DDX10: variants seen among roughly 807,000 people sequenced by gnomAD.
DDX10 encodes probable ATP-dependent RNA helicase DDX10.
In DDX10, 74 loss-of-function variants were observed where a neutral mutation model predicts 104.3. The ratio of observed to expected loss-of-function variants is 0.71; its 90% CI spans 0.59 to 0.86. The LOEUF is 0.86. Ranked by LOEUF, DDX10 falls within the 40% of genes least tolerant of loss-of-function variation. The probability of loss-of-function intolerance (pLI) is 0.00; values close to 1 mark genes in which losing one functional copy is unlikely to be tolerated. For synonymous variants in DDX10, 351 were observed against 353.4 expected (o/e 0.99, Z 0.08); for missense variants, 952 against 1,040.0 (o/e 0.92, Z 1.16).
chr11:108,802,198 A>C (rs1207366751), intron 13 of DDX10, among the ~76,000 whole-genome samples: 1 of 151,810 alleles, frequency 6.6e-6, no homozygotes, highest in Admixed American at 6.6e-5. Context: ...ATTTTTTTTT[A>C]TTTTGGAATA....
At chr11:108,938,031 T>A (rs1864058496) in intron 17 of DDX10, among the ~76,000 whole-genome samples, 1 of 152,196 alleles carries the variant, frequency 6.6e-6, no homozygotes, top group South Asian at 2.1e-4. Flanking sequence ...CCCCTCATTG[T>A]CAGTCATCTC....
chr11:108,689,487 C>A (rs1565247838), intron 7 of DDX10, among the ~76,000 whole-genome samples: 1 of 152,142 alleles, frequency 6.6e-6, no homozygotes. Flanking sequence ...TGGGGAAATA[C>A]TTACTTTGAG....
chr11:108,854,779 T>G (rs1176846835), intron 16 of DDX10, among the ~76,000 whole-genome samples: 1 of 152,152 alleles, frequency 6.6e-6, no homozygotes, highest in Non-Finnish European at 1.5e-5. Flanking sequence ...CATGGAATTA[T>G]CTTTATTTCC....
intron 17 of DDX10, among the ~76,000 whole-genome samples, chr11:108,934,472 G>A (rs1399756404): frequency 6.6e-6 from 1 of 152,154 alleles, no homozygotes; most frequent in East Asian, 1.9e-4. Flanking sequence ...GTGGAAGATT[G>A]TGGAAACACT....
chr11:108,850,266 A>G (rs2134603968), intron 15 of DDX10, among the ~76,000 whole-genome samples: 1 of 152,296 alleles, frequency 6.6e-6, no homozygotes, highest in Non-Finnish European at 1.5e-5. Context: ...TAGCCAATTT[A>G]AAGCTGAAAT....
chr11:108,857,377 CA>C (rs1227783766), intron 16 of DDX10, among the ~76,000 whole-genome samples: 1 of 152,146 alleles, frequency 6.6e-6, no homozygotes, highest in Non-Finnish European at 1.5e-5. Context: ...CTGTTCTCAG[CA>C]TGTGTAAAAG....
At chr11:108,753,402 A>G (rs1272657122) in intron 13 of DDX10, among the ~76,000 whole-genome samples, 1 of 152,076 alleles carries the variant, frequency 6.6e-6, no homozygotes, top group Non-Finnish European at 1.5e-5. Context: ...ATCCATTCCA[A>G]TGTAGATAAA....
intron 13 of DDX10, among the ~76,000 whole-genome samples, chr11:108,796,175 C>G (rs1410764899): frequency 6.6e-6 from 1 of 152,182 alleles, no homozygotes; most frequent in Non-Finnish European, 1.5e-5. Flanking sequence ...TTCTCTCTCT[C>G]TCACACTTGT....
intron 1 of DDX10, among the ~76,000 whole-genome samples, chr11:108,668,532 T>C (rs2094212900): frequency 6.6e-6 from 1 of 152,240 alleles, no homozygotes; most frequent in African/African-American, 2.4e-5. Flanking sequence ...TATCATTCTC[T>C]AGGTAAACAA....
intron 16 of DDX10, among the ~76,000 whole-genome samples, chr11:108,904,619 G>A (rs1331156355): frequency 1.3e-5 from 2 of 152,128 alleles, no homozygotes; most frequent in Non-Finnish European, 2.9e-5. Flanking sequence ...ATGATAAATT[G>A]ATGGAACAAA....
intron 13 of DDX10, among the ~76,000 whole-genome samples, chr11:108,814,901 G>C (rs930921039): frequency 6.6e-6 from 1 of 152,180 alleles, no homozygotes; most frequent in Non-Finnish European, 1.5e-5. Context: ...TAATGATATA[G>C]TCTCTGGGAG....
intron 2 of DDX10, among the ~76,000 whole-genome samples, chr11:108,674,453 T>C (rs1226114031): frequency 6.6e-6 from 1 of 152,178 alleles, no homozygotes; most frequent in Non-Finnish European, 1.5e-5. Context: ...TATTTTTTCT[T>C]TTTTCAGTAT....
At chr11:108,671,453 C>T (rs1046455724) in intron 1 of DDX10, among the ~76,000 whole-genome samples, 5 of 152,202 alleles carry the variant, frequency 3.3e-5, no homozygotes, top group Non-Finnish European at 7.3e-5. Flanking sequence ...CGTGAGCCAT[C>T]GTGCCTGGCT....
chr11:108,694,606 C>A (rs2094257151), intron 9 of DDX10, among the ~76,000 whole-genome samples: 1 of 152,140 alleles, frequency 6.6e-6, no homozygotes. Context: ...GTAGGCTGGG[C>A]ATGGTGGCTC....
intron 12 of DDX10, among the ~76,000 whole-genome samples, chr11:108,721,990 G>A (rs2094298933): frequency 6.6e-6 from 1 of 152,132 alleles, no homozygotes; most frequent in South Asian, 2.1e-4. Flanking sequence ...TATATGCCAG[G>A]CACTAGTTTT....
chr11:108,740,129 T>C (rs2094323400), intron 13 of DDX10, among the ~76,000 whole-genome samples: 1 of 152,106 alleles, frequency 6.6e-6, no homozygotes. Context: ...TGACCCTCAC[T>C]CACCTTCCTG....
At chr11:108,800,441 T>TAAAA (rs1862004246) in intron 13 of DDX10, among the ~76,000 whole-genome samples, 1 of 5,174 alleles carries the variant, frequency 1.9e-4, no homozygotes. Flanking sequence ...CGAGACTCTT[T>TAAAA]CAAAAAAAAA....
In DDX10 at chr11:108,940,796, T is replaced by C; in HGVS notation, c.*373T>C. On this transcript the variant is annotated 3_prime_UTR_variant, in exon 18 of 18. Transcript: ENST00000322536. Reference sequence around the variant, plus strand: ...CTTGCTTACTGTACAGAAGTTTCTGTTGCTGTTAAAATTGCTCATGATTTC... The same window carrying C: ...CTTGCTTACTGTACAGAAGTTTCTGCTGCTGTTAAAATTGCTCATGATTTC... The C allele has an allele frequency of 4.3e-6, 1 of 233,996 alleles. No homozygotes were observed. The highest frequency in any genetic ancestry group is 8.4e-6 in the Non-Finnish European group (1 of 119,060). The allele number at this position is 233,996 out of a possible 1,614,324, so 14.5% of individuals were successfully genotyped here. A position where few individuals can be genotyped will look rare whatever the true frequency, so the allele number is the denominator to read the frequency against.
intron 13 of DDX10, among the ~76,000 whole-genome samples, chr11:108,803,552 C>T (rs1253276249): frequency 2.0e-5 from 3 of 147,854 alleles, no homozygotes; most frequent in Non-Finnish European, 4.4e-5. Flanking sequence ...TGAGATCACA[C>T]CATTGCCCTC....
Sources: allele counts gnomAD v4.1 joint callset (sites outside exome capture counted in the v4.1 genomes callset), GRCh38; gene constraint gnomAD v4.1.1; transcripts MANE v1.5; gene names NCBI Gene and HGNC (gene_info 2026-07-23, HGNC 2026-07-21).